Variants in TYW1 observed in about 807,000 individuals in gnomAD.
TYW1 encodes S-adenosyl-L-methionine-dependent tRNA 4-demethylwyosine synthase TYW1.
A neutral mutation model predicts 96.2 loss-of-function variants in TYW1; 46 were observed. The observed-to-expected ratio is 0.48, with a 90% CI of 0.38 to 0.61. The LOEUF (loss-of-function observed/expected upper bound fraction) is 0.61. Ranked by LOEUF, TYW1 falls within the 20% of genes least tolerant of loss-of-function variation. The pLI, the probability that TYW1 is intolerant of heterozygous loss-of-function variation, is 0.00. For synonymous variants in TYW1, 274 were observed against 323.0 expected (o/e 0.85, Z 1.63); for missense variants, 684 against 909.6 (o/e 0.75, Z 3.19).
rs575288599 is a variant in TYW1 at position 67,197,548 on chromosome 7, C to T, written c.1977+2211C>T. Among the ~76,000 whole-genome samples, 109 of 152,272 alleles carry T rather than the reference C, an allele frequency of 7.2e-4. 1 individual carries two copies. Among genetic ancestry groups the T allele is most frequent in the Non-Finnish European group, 1.4e-3 (97 of 68,016 alleles). ...ACCGTGTTAGCCAGGCTGGTTTCGA[C>T]CTCCTGACCTCAAGTGATACACCTG... is the stretch of plus-strand genomic sequence containing the variant. On this transcript the variant is annotated intron_variant, in intron 15 of 15. Coordinates refer to ENST00000359626, the MANE Select transcript of TYW1 (RefSeq NM_018264.4).
rs545481819 is a variant in TYW1, at chr7:67,035,100, T to A, written c.984+10078T>A. Among the ~76,000 whole-genome samples the A allele has an allele frequency of 3.3e-5, 5 of 152,000 alleles. No individual in the cohort carries two copies. In the East Asian group the frequency reaches 9.7e-4, roughly 30 times the overall value. On this transcript the variant is annotated intron_variant, in intron 7 of 15. Coordinates refer to ENST00000359626, the MANE Select transcript of TYW1 (RefSeq NM_018264.4). ...TCATTTGCATTTTTTCTTTCTTTTT[T>A]CTTTTCATGTGAAACATTTCTTTCT...
At position 67,189,095 on chromosome 7, in the gene TYW1, G is replaced by A. The variant is rs2844121; in HGVS notation, c.1809+5859G>A. Among the ~76,000 whole-genome samples the A allele has an allele frequency of 3.5e-4, 53 of 152,090 alleles. No individual in the cohort carries two copies. The East Asian group carries it at 6.4e-3, about 18-fold the overall frequency. On this transcript the variant is annotated intron_variant, in intron 14 of 15. Transcript: ENST00000359626. Reference sequence around the variant, plus strand: ...ACTAACCTAATTGGATTTAGGAAACGCTACCTTCCTTTTTCTATCTACCCT... The same window carrying A: ...ACTAACCTAATTGGATTTAGGAAACACTACCTTCCTTTTTCTATCTACCCT...
At chr7:67,126,077 C>T (rs991254926) in intron 13 of TYW1, among the ~76,000 whole-genome samples, 7 of 151,646 alleles carry the variant, frequency 4.6e-5, no homozygotes, top group African/African-American at 1.7e-4. Context: ...GGAGTAAATA[C>T]CAAAGAGTGT....
intron 13 of TYW1, among the ~76,000 whole-genome samples, chr7:67,171,039 A>C (rs1799499396): frequency 6.6e-6 from 1 of 151,912 alleles, no homozygotes; most frequent in Admixed American, 6.6e-5. Context: ...TTAAGCTTTT[A>C]TTTGTTGGGA....
At chr7:67,002,887 T>C (rs1449856612) in intron 3 of TYW1, among the ~76,000 whole-genome samples, 1 of 148,610 alleles carries the variant, frequency 6.7e-6, no homozygotes, top group Non-Finnish European at 1.5e-5. Context: ...AGGGTCTTAC[T>C]CTGTCACCCA....
chr7:67,200,201 T>C (rs1265144540), intron 15 of TYW1, among the ~76,000 whole-genome samples: 1 of 152,144 alleles, frequency 6.6e-6, no homozygotes, highest in African/African-American at 2.4e-5. Flanking sequence ...ATAATGTTTG[T>C]TGAATACCCA....
intron 15 of TYW1, among the ~76,000 whole-genome samples, chr7:67,230,511 C>G (rs1801718921): frequency 6.6e-6 from 1 of 151,952 alleles, no homozygotes. Flanking sequence ...CACAAACACA[C>G]CTCCATTTCC....
chr7:67,203,118 A>G (rs540770072), intron 15 of TYW1, among the ~76,000 whole-genome samples: 1 of 152,322 alleles, frequency 6.6e-6, no homozygotes, highest in African/African-American at 2.4e-5. Flanking sequence ...TTCTCATGCT[A>G]TTCCTTTGTA....
intron 12 of TYW1, among the ~76,000 whole-genome samples, chr7:67,113,854 G>C (rs2115954134): frequency 6.6e-6 from 1 of 152,160 alleles, no homozygotes; most frequent in South Asian, 2.1e-4. Flanking sequence ...GGCCAGGCTG[G>C]TCTCAAACTC....
chr7:67,029,382 CGTGTGTGTGTGTGTGT>C (rs67162571), intron 7 of TYW1, among the ~76,000 whole-genome samples: 28 of 106,766 alleles, frequency 2.6e-4, no homozygotes, highest in Non-Finnish European at 4.2e-4. Context: ...TGTGTGTGTG[CGTGTGTGTGTGTGTGT>C]GTGTGTGTGT....
intron 15 of TYW1, among the ~76,000 whole-genome samples, chr7:67,196,369 T>C (rs113898292): frequency 0.064 from 9,686 of 152,248 alleles, 419 homozygotes; most frequent in South Asian, 0.1. Flanking sequence ...ATAATTCCAA[T>C]GACTAAAGTT....
At chr7:67,146,893 A>T (rs1798624757) in intron 13 of TYW1, among the ~76,000 whole-genome samples, 1 of 131,232 alleles carries the variant, frequency 7.6e-6, no homozygotes, top group African/African-American at 3.1e-5. Flanking sequence ...AGTGTACTTC[A>T]TGGTTCATAA....
intron 15 of TYW1, 77 bp downstream of exon 15, chr7:67,195,414 T>A: frequency 1.2e-6 from 2 of 1,600,600 alleles, no homozygotes; most frequent in Admixed American, 3.4e-5. Context: ...TTTATTTTCC[T>A]CTTACATTGT....
rs188117869 is a variant in TYW1 at position 67,134,270 on chromosome 7, C to T, written c.1698+16652C>T. ...ATAGATAAATAAAAGGGGCTGGGCGCGGTGGCTCACGCCTGTAATCTCAGC... is the reference window on the plus strand; with the variant it reads ...ATAGATAAATAAAAGGGGCTGGGCGTGGTGGCTCACGCCTGTAATCTCAGC... On this transcript the variant is annotated intron_variant, in intron 13 of 15. Transcript: ENST00000359626. Among the ~76,000 whole-genome samples the T allele has an allele frequency of 7.0e-4, 106 of 152,032 alleles. 1 individual carries two copies. Among genetic ancestry groups the T allele is most frequent in the African/African-American group, 2.4e-3 (101 of 41,486 alleles).
chr7:67,108,878 A>G (rs1797317367), intron 12 of TYW1, among the ~76,000 whole-genome samples: 2 of 152,216 alleles, frequency 1.3e-5, no homozygotes, highest in African/African-American at 4.8e-5. Flanking sequence ...ATAGAATTAA[A>G]CTAGAAACCA....
At chr7:67,177,313 C>T (rs909793902) in intron 13 of TYW1, among the ~76,000 whole-genome samples, 12 of 151,252 alleles carry the variant, frequency 7.9e-5, no homozygotes, top group Non-Finnish European at 1.5e-4. Flanking sequence ...TGGAATGATC[C>T]GTTAAAGAGA....
At chr7:67,090,657 C>T (rs147500222) in intron 11 of TYW1, among the ~76,000 whole-genome samples, 1 of 152,150 alleles carries the variant, frequency 6.6e-6, no homozygotes, top group African/African-American at 2.4e-5. Context: ...ATTTGGGCAC[C>T]ATGAAGAGAA....
At chr7:67,057,821 G>A (rs929725797) in intron 9 of TYW1, among the ~76,000 whole-genome samples, 1 of 152,198 alleles carries the variant, frequency 6.6e-6, no homozygotes. Context: ...AATGTGCATT[G>A]TGAATATTTC....
At chr7:67,002,217 A>T (rs907055842) in intron 3 of TYW1, among the ~76,000 whole-genome samples, 8 of 151,690 alleles carry the variant, frequency 5.3e-5, no homozygotes, top group African/African-American at 1.7e-4. Context: ...TGGGCTAATT[A>T]AAAAAATTTT....
Sources: gnomAD v4.1 joint callset for allele counts (sites outside exome capture counted in the v4.1 genomes callset) on GRCh38, gnomAD v4.1.1 for gene constraint, MANE v1.5 for transcripts, NCBI Gene and HGNC (gene_info 2026-07-23, HGNC 2026-07-21) for gene names.